Variants in CPSF4L observed in about 807,000 individuals in gnomAD.
CPSF4L encodes putative cleavage and polyadenylation specificity factor subunit 4-like protein.
CPSF4L carries 18 observed loss-of-function variants against 24.0 expected under a neutral mutation model. The ratio of observed to expected loss-of-function variants is 0.75; its 90% CI spans 0.52 to 1.11. The LOEUF is 1.11. CPSF4L is among the 50% of genes least tolerant of loss of function. CPSF4L has a pLI of 0.00. For synonymous variants in CPSF4L, 72 were observed against 77.2 expected (o/e 0.93, Z 0.35); for missense variants, 211 against 221.8 (o/e 0.95, Z 0.31).
chr17:73,258,076 C>G (rs2145281611), intron 2 of CPSF4L, among the ~76,000 whole-genome samples: 1 of 151,580 alleles, frequency 6.6e-6, no homozygotes, highest in South Asian at 2.1e-4. Context: ...GCGGCGCGAT[C>G]TTGGCTCACT....
chr17:73,252,587 C>T, intron 5 of CPSF4L, 43 bp downstream of exon 5: 1 of 1,240,210 alleles, frequency 8.1e-7, no homozygotes, highest in Non-Finnish European at 1.2e-6. Context: ...AAGGCCAGGC[C>T]TAGCACTCTG....
downstream of CPSF4L, chr17:73,248,078 G>A (rs946587383): frequency 7.9e-5 from 13 of 164,068 alleles, no homozygotes; most frequent in South Asian, 1.4e-3. Context: ...TCAGCATGAC[G>A]AGGAAGCACA....
intron 2 of CPSF4L, among the ~76,000 whole-genome samples, chr17:73,258,656 C>T (rs981137487): frequency 6.6e-6 from 1 of 152,124 alleles, no homozygotes; most frequent in Non-Finnish European, 1.5e-5. Flanking sequence ...TTTGCCCATC[C>T]TTCCCATCTG....
In CPSF4L at chr17:73,253,950, G is replaced by A. The variant is rs1038141718; in HGVS notation, c.384C>T (p.Asp128=). The change falls in exon 4 of 6, where the codon GAC becomes GAT. Residue 128 remains aspartate (D), a synonymous_variant. Coordinates refer to ENST00000344935, the MANE Select transcript of CPSF4L (RefSeq NM_001129885.1). ...AFKSQDCPWY[D]QGFCKDGPLC... ...CCTCACCGTCCTTGCAGAAACCTTG[G>A]TCATACCAAGGACAGTCCTGGGACT... 11 of 1,551,376 alleles carry A rather than the reference G, an allele frequency of 7.1e-6. No homozygotes were observed. The Admixed American group carries it at 2.2e-4, about 30-fold the overall frequency.
chr17:73,249,396 G>A (rs1397508999), intron 5 of CPSF4L, among the ~76,000 whole-genome samples: 1 of 152,156 alleles, frequency 6.6e-6, no homozygotes, highest in Non-Finnish European at 1.5e-5. Context: ...AAGAAAACGG[G>A]CTTGAGGTAG....
chr17:73,246,636 T>TA (rs1215698791), downstream of CPSF4L, among the ~76,000 whole-genome samples: 1 of 152,198 alleles, frequency 6.6e-6, no homozygotes, highest in Non-Finnish European at 1.5e-5. Flanking sequence ...GGCTACTTTT[T>TA]ACCTACCTTT....
Position 73,257,653 on chromosome 17 carries a change from G to A in CPSF4L, c.307+28C>T, listed in dbSNP as rs1317630177. ...AGCCCACACTGCCACCCTCCAGGGT[G>A]AGGCACCGAGCCAGGAAGAGGCCTT... On this transcript the variant is annotated intron_variant, in intron 3 of 5. Transcript: ENST00000344935. 12 of 1,550,248 alleles carry A rather than the reference G, an allele frequency of 7.7e-6. No individual in the cohort carries two copies. The Admixed American group carries it at 2.4e-4, about 30-fold the overall frequency.
chr17:73,262,019 TGCAG>T, upstream of CPSF4L: 1 of 585,630 alleles, frequency 1.7e-6, no homozygotes, highest in Non-Finnish European at 3.1e-6. Context: ...GCCCACCCAG[TGCAG>T]GGGCAGACAC....
At position 73,252,537 on chromosome 17, in the gene CPSF4L, C is replaced by T. The variant is rs914238050; in HGVS notation, c.497+93G>A. On this transcript the variant is annotated intron_variant, in intron 5 of 5. Coordinates refer to ENST00000344935, the MANE Select transcript of CPSF4L (RefSeq NM_001129885.1). Reference sequence around the variant, plus strand: ...GATGCTTGCCAGATGCTTCATTTTCCACTAAGGACCAGCGAAGGTATGGAA... The same window carrying T: ...GATGCTTGCCAGATGCTTCATTTTCTACTAAGGACCAGCGAAGGTATGGAA... 3.0e-5 allele frequency: 24 copies of T among 794,144 alleles called. No homozygotes were observed. In the Admixed American group the frequency reaches 3.1e-4, roughly 10 times the overall value. 49.2% of individuals were successfully genotyped at this position (794,144 alleles called of 1,614,324 possible).
chr17:73,243,078 T>TTTTTTTTTTTC, the CPSF4L span: 4 of 234,906 alleles, frequency 1.7e-5, no homozygotes, highest in African/African-American at 4.8e-4. Context: ...ATTCTCTGAA[T>TTTTTTTTTTTC]TTTTTTTTTT....
chr17:73,247,982 CTCT>C (rs777792409), downstream of CPSF4L: 10 of 154,002 alleles, frequency 6.5e-5, no homozygotes, highest in African/African-American at 9.7e-5. Flanking sequence ...CTTCAAGAAT[CTCT>C]TCTTAATGTT....
rs1283783535 is a variant in CPSF4L at position 73,250,934 on chromosome 17, G to C, written c.497+1696C>G. 3.5e-6 allele frequency: 5 copies of C among 1,449,128 alleles called. No homozygotes were observed. The Admixed American group carries it at 1.3e-4, about 37-fold the overall frequency. 89.8% of individuals were successfully genotyped at this position (1,449,128 alleles called of 1,614,324 possible). ...TCATTCCTTGCCCTCCCAGCTCTCA[G>C]CCAAGCACTAGCCCAGCCCTGTGGG... is the stretch of plus-strand genomic sequence containing the variant. On this transcript the variant is annotated intron_variant, in intron 5 of 5. Coordinates refer to ENST00000344935, the MANE Select transcript of CPSF4L (RefSeq NM_001129885.1).
At position 73,261,699 on chromosome 17, in the gene CPSF4L, G is replaced by A. The variant is rs1243309858; in HGVS notation, c.103+17C>T. On this transcript the variant is annotated intron_variant, in intron 1 of 5. Transcript: ENST00000344935. ...CAGAGAAGGTAGGGGAGGGAAAGTG[G>A]CCCCACCCTCACTCACTGTCCATGC... 2 of 1,480,478 alleles carry A rather than the reference G, an allele frequency of 1.4e-6. No homozygotes were observed. The highest frequency in any genetic ancestry group is 4.9e-5 in the East Asian group (2 of 40,576). The allele number at this position is 1,480,478 out of a possible 1,614,324, so 91.7% of individuals were successfully genotyped here. A position where few individuals can be genotyped will look rare whatever the true frequency, so the allele number is the denominator to read the frequency against.
chr17:73,247,231 G>C, downstream of CPSF4L: 1 of 1,611,634 alleles, frequency 6.2e-7, no homozygotes, highest in Non-Finnish European at 8.5e-7. Context: ...TTACTATCTG[G>C]CCTTTACAGA....
chr17:73,252,966 G>T (rs2062011351), intron 4 of CPSF4L, among the ~76,000 whole-genome samples: 1 of 151,228 alleles, frequency 6.6e-6, no homozygotes, highest in Admixed American at 6.6e-5. Context: ...CTGAAATAGA[G>T]TTGGAAATGT....
the CPSF4L span, chr17:73,242,315 TTCTC>T: frequency 1.3e-5 from 21 of 1,604,960 alleles, no homozygotes; most frequent in Non-Finnish European, 1.8e-5. Flanking sequence ...AACCTCCAAC[TTCTC>T]TCTAATGAGG....
rs893644069 is a variant in CPSF4L at position 73,254,641 on chromosome 17, CATT to C, written c.308-618_308-616del. On this transcript the variant is annotated intron_variant, in intron 3 of 5. Coordinates refer to ENST00000344935, the MANE Select transcript of CPSF4L (RefSeq NM_001129885.1). ...CAGTAGGCCCAGGCTACCCAAGTGT[CATT>C]ATTATTATTATTATTTTGAGACAGG... is the stretch of plus-strand genomic sequence containing the variant. Among the ~76,000 whole-genome samples the C allele has an allele frequency of 5.3e-5, 8 of 151,970 alleles. No individual in the cohort carries two copies. The South Asian group carries it at 8.3e-4, about 16-fold the overall frequency.
chr17:73,250,106 T>G (rs891287659), intron 5 of CPSF4L: 10 of 682,886 alleles, frequency 1.5e-5, no homozygotes, highest in Middle Eastern at 2.6e-4. Context: ...TCAAAAGAAA[T>G]AAACCTGCCT....
At chr17:73,249,175 G>C (rs2061991015) in intron 5 of CPSF4L, among the ~76,000 whole-genome samples, 1 of 152,126 alleles carries the variant, frequency 6.6e-6, no homozygotes, top group African/African-American at 2.4e-5. Flanking sequence ...GACAGCAGCT[G>C]TTCTAAAGCC....
Sources: allele counts gnomAD v4.1 joint callset (sites outside exome capture counted in the v4.1 genomes callset), GRCh38; gene constraint gnomAD v4.1.1; transcripts MANE v1.5; gene names NCBI Gene and HGNC (gene_info 2026-07-23, HGNC 2026-07-21).